MAPKAP1: variants seen among roughly 807,000 people sequenced by gnomAD.
MAPKAP1 encodes the protein target of rapamycin complex 2 subunit MAPKAP1.
In MAPKAP1, 20 loss-of-function variants were observed where a neutral mutation model predicts 65.7. That is an observed-to-expected ratio of 0.30 (90% CI 0.21 to 0.44). The LOEUF is 0.44. Among genes scored for constraint, MAPKAP1 ranks in the 20% least tolerant of loss-of-function variants. The pLI is 1.00. For synonymous variants in MAPKAP1, 222 were observed against 244.3 expected (o/e 0.91, Z 0.85); for missense variants, 423 against 648.0 (o/e 0.65, Z 3.77).
rs903437902 is a variant in MAPKAP1, at chr9:125,482,667, G to A, written c.1207+1776C>T. Among the ~76,000 whole-genome samples the A allele has an allele frequency of 6.6e-5, 10 of 152,006 alleles. No homozygotes were observed. The East Asian group carries it at 9.6e-4, about 15-fold the overall frequency. On this transcript the variant is annotated intron_variant, in intron 9 of 11. Coordinates refer to ENST00000265960, the MANE Select transcript of MAPKAP1 (RefSeq NM_001006617.3). ...GATGTACATAATTTTGTTCAATGTC[G>A]TTTTGTTATAATGTTGATAAGGGAA...
intron 3 of MAPKAP1, among the ~76,000 whole-genome samples, chr9:125,668,312 T>C (rs748147255): frequency 3.9e-5 from 6 of 152,246 alleles, no homozygotes; most frequent in South Asian, 2.1e-4. Context: ...GTCTTATCTG[T>C]AAACAATAGC....
At chr9:125,699,704 C>T (rs1835539231) in intron 1 of MAPKAP1, among the ~76,000 whole-genome samples, 1 of 151,168 alleles carries the variant, frequency 6.6e-6, no homozygotes, top group South Asian at 2.1e-4. Flanking sequence ...GTGATCATGG[C>T]TCACAGCAGC....
chr9:125,557,733 C>T (rs1256123518), intron 6 of MAPKAP1, among the ~76,000 whole-genome samples: 1 of 152,166 alleles, frequency 6.6e-6, no homozygotes, highest in African/African-American at 2.4e-5. Context: ...CTGCTTATCA[C>T]ATTTTAATTA....
At chr9:125,631,099 A>C (rs906557187) in intron 4 of MAPKAP1, among the ~76,000 whole-genome samples, 1 of 150,304 alleles carries the variant, frequency 6.7e-6, no homozygotes, top group Non-Finnish European at 1.5e-5. Flanking sequence ...CCTGTCTCAA[A>C]AAAAAAAAAA....
intron 7 of MAPKAP1, among the ~76,000 whole-genome samples, chr9:125,535,419 C>T (rs1270380927): frequency 1.3e-5 from 2 of 152,140 alleles, no homozygotes; most frequent in African/African-American, 4.8e-5. Flanking sequence ...TTTACGTGTA[C>T]TCATTGGGTT....
At chr9:125,561,645 A>G (rs1830897208) in intron 5 of MAPKAP1, among the ~76,000 whole-genome samples, 1 of 152,220 alleles carries the variant, frequency 6.6e-6, no homozygotes, top group Non-Finnish European at 1.5e-5. Flanking sequence ...GGTCAGAACG[A>G]GTTCAAATTT....
intron 4 of MAPKAP1, among the ~76,000 whole-genome samples, chr9:125,655,130 A>G (rs529219855): frequency 6.6e-6 from 1 of 152,348 alleles, no homozygotes; most frequent in Admixed American, 6.5e-5. Context: ...AAACTGGAGT[A>G]TCAAAATACA....
chr9:125,621,538 G>A (rs1832900078), intron 4 of MAPKAP1, among the ~76,000 whole-genome samples: 1 of 152,168 alleles, frequency 6.6e-6, no homozygotes, highest in Non-Finnish European at 1.5e-5. Context: ...CAAACACACA[G>A]TAAATGCTTA....
intron 1 of MAPKAP1, among the ~76,000 whole-genome samples, chr9:125,698,286 TAAATA>T (rs1345271476): frequency 1.6e-4 from 4 of 25,802 alleles, no homozygotes; most frequent in African/African-American, 7.3e-4. Flanking sequence ...ATAATATATA[TAAATA>T]TATATATATA....
chr9:125,602,418 T>C (rs1462606898), intron 4 of MAPKAP1, among the ~76,000 whole-genome samples: 1 of 152,188 alleles, frequency 6.6e-6, no homozygotes, highest in Non-Finnish European at 1.5e-5. Context: ...CATCCGCGTC[T>C]TCCAGACAGC....
At chr9:125,624,424 G>A (rs1249998646) in intron 4 of MAPKAP1, among the ~76,000 whole-genome samples, 1 of 109,466 alleles carries the variant, frequency 9.1e-6, no homozygotes, top group Non-Finnish European at 2.0e-5. Context: ...CCCCGTCCGG[G>A]AGGGAGGTGG....
At position 125,447,831 on chromosome 9, in the gene MAPKAP1, G is replaced by C. The variant is rs1852776857; in HGVS notation, c.1346-3233C>G. Among the ~76,000 whole-genome samples the C allele has an allele frequency of 6.6e-6, 1 of 152,240 alleles. No individual in the cohort carries two copies. The highest frequency in any genetic ancestry group is 1.5e-5 in the Non-Finnish European group (1 of 68,040). ...TGACACCTCCGCAGTTTTGGAGGAG[G>C]GCAGGGAGTCAGCTGGGTAAAGGTG... On this transcript the variant is annotated intron_variant, in intron 10 of 11. Coordinates refer to ENST00000265960, the MANE Select transcript of MAPKAP1 (RefSeq NM_001006617.3). The surrounding 1 kb of genome is among the most constrained non-coding windows in gnomAD (Gnocchi z 4.5).
chr9:125,704,136 C>T (rs1358164940), intron 1 of MAPKAP1, among the ~76,000 whole-genome samples: 13 of 152,114 alleles, frequency 8.5e-5, no homozygotes, highest in Non-Finnish European at 1.8e-4. Context: ...CCAGAGGGTC[C>T]GCATCCACAT....
rs144285719 is a variant in MAPKAP1 at position 125,551,867 on chromosome 9, G to A, written c.848+7766C>T. Among the ~76,000 whole-genome samples the A allele has an allele frequency of 3.1e-3, 473 of 152,252 alleles. 2 individuals are homozygous for A. Among genetic ancestry groups the A allele is most frequent in the Middle Eastern group, 6.8e-3 (2 of 294 alleles). On this transcript the variant is annotated intron_variant, in intron 6 of 11. Transcript: ENST00000265960. The stretch of plus-strand genomic sequence containing the variant: ...CAAGGCAGGTCCCTATCCTTGAGAG[G>A]CACTTAGCCCACTCAAGATCTCATT...
chr9:125,674,042 G>A (rs1834572889), intron 1 of MAPKAP1, among the ~76,000 whole-genome samples: 1 of 152,076 alleles, frequency 6.6e-6, no homozygotes, highest in African/African-American at 2.4e-5. Context: ...ACTCAACAAA[G>A]AAAATATTGC....
chr9:125,575,232 T>G (rs889495547), intron 5 of MAPKAP1, among the ~76,000 whole-genome samples: 3 of 152,062 alleles, frequency 2.0e-5, no homozygotes, highest in African/African-American at 7.2e-5. Flanking sequence ...TGTAGGGACA[T>G]GCACCTGTAG....
intron 7 of MAPKAP1, among the ~76,000 whole-genome samples, chr9:125,532,614 T>C (rs756491044): frequency 6.6e-6 from 1 of 152,208 alleles, no homozygotes; most frequent in Non-Finnish European, 1.5e-5. Context: ...CCCCACTTGC[T>C]ACCATTCCCA....
At chr9:125,518,539 G>A (rs1367040196) in intron 7 of MAPKAP1, among the ~76,000 whole-genome samples, 1 of 152,148 alleles carries the variant, frequency 6.6e-6, no homozygotes, top group African/African-American at 2.4e-5. Context: ...TTGTGATGGT[G>A]TGGAGCTGTA....
chr9:125,450,549 T>C (rs1273438645), intron 10 of MAPKAP1, among the ~76,000 whole-genome samples: 3 of 152,210 alleles, frequency 2.0e-5, no homozygotes, highest in South Asian at 2.1e-4. Flanking sequence ...ACGTGAGCTA[T>C]GGGTCATGTT....
Sources: gnomAD v4.1 joint callset for allele counts (sites outside exome capture counted in the v4.1 genomes callset) on GRCh38, gnomAD v4.1.1 for gene constraint, Gnocchi (gnomAD v3.1) non-coding constraint, MANE v1.5 for transcripts, NCBI Gene and HGNC (gene_info 2026-07-23, HGNC 2026-07-21) for gene names.